ZFAND4: variants seen among roughly 807,000 people sequenced by gnomAD.
The protein encoded by ZFAND4 is zinc finger AN1-type containing 4.
ZFAND4 carries 43 observed loss-of-function variants against 64.4 expected under a neutral mutation model. The ratio of observed to expected loss-of-function variants is 0.67; its 90% CI spans 0.52 to 0.86. The LOEUF is 0.86. ZFAND4 is among the 40% of genes least tolerant of loss of function. ZFAND4 has a pLI of 0.00. For missense variants in ZFAND4, 929 were observed against 859.8 expected, an observed-to-expected ratio of 1.08 and a Z score of -1.01; for synonymous variants, 296 against 305.7, an observed-to-expected ratio of 0.97 and a Z score of 0.33.
intron 2 of ZFAND4, among the ~76,000 whole-genome samples, chr10:45,656,892 C>A (rs969640340): frequency 3.9e-5 from 6 of 152,088 alleles, no homozygotes; most frequent in Middle Eastern, 3.2e-3. Context: ...AGAAAGAGTG[C>A]CCTCACCAGA....
chr10:45,619,703 T>C (rs2045270956), intron 8 of ZFAND4, among the ~76,000 whole-genome samples: 1 of 152,168 alleles, frequency 6.6e-6, no homozygotes, highest in East Asian at 1.9e-4. Context: ...ATGTCTTTTT[T>C]TTTTTGTCAC....
At chr10:45,640,649 C>A (rs529557019) in intron 5 of ZFAND4, among the ~76,000 whole-genome samples, 5 of 152,140 alleles carry the variant, frequency 3.3e-5, no homozygotes, top group Admixed American at 1.3e-4. Context: ...TGCCACCATG[C>A]CCAGATAATT....
intron 3 of ZFAND4, among the ~76,000 whole-genome samples, chr10:45,652,480 G>A (rs1015301755): frequency 6.6e-6 from 1 of 152,194 alleles, no homozygotes; most frequent in African/African-American, 2.4e-5. Context: ...CTTAACAAAA[G>A]AGTGATGAAT....
chr10:45,639,801 T>C lies in ZFAND4; in HGVS notation c.717+15A>G, dbSNP rs745651676. 1 of 1,603,234 alleles carries C rather than the reference T, an allele frequency of 6.2e-7. No homozygotes were observed. Among genetic ancestry groups the C allele is most frequent in the Admixed American group, 1.7e-5 (1 of 58,156 alleles). On this transcript the variant is annotated intron_variant, in intron 6 of 9. Coordinates refer to ENST00000344646, the MANE Select transcript of ZFAND4 (RefSeq NM_174890.4). ...TAAGCTAGAGATAAGCCTGGTCAAA[T>C]GCCAACAGCTTCACCTTTTTGCTGA...
chr10:45,656,041 C>T (rs2133814459), intron 2 of ZFAND4, among the ~76,000 whole-genome samples: 1 of 151,650 alleles, frequency 6.6e-6, no homozygotes, highest in Middle Eastern at 3.4e-3. Context: ...ACCATCCTGG[C>T]TAACACAGTG....
Position 45,648,327 on chromosome 10 carries a change from T to C in ZFAND4, c.536A>G (p.His179Arg), listed in dbSNP as rs1225295129. Reference protein sequence around the residue: ...DSSKKIDFHLHVLRRKGEHRM... With the variant: ...DSSKKIDFHLRVLRRKGEHRM... ...ATGTTCTCCTTTTCTCCGTAGGACA[T>C]GCAAATGAAAATCTATTTTCTTTGA... The change falls in exon 5 of 10, where the codon CAT becomes CGT. Residue 179 changes from histidine to arginine, a missense_variant. His to Arg is a conservative substitution (Grantham distance 29). Transcript: ENST00000344646. The C allele has an allele frequency of 1.2e-6, 2 of 1,613,392 alleles. No individual in the cohort carries two copies. Among genetic ancestry groups the C allele is most frequent in the Non-Finnish European group, 1.7e-6 (2 of 1,179,802 alleles).
chr10:45,622,452 C>T (rs1020351094), intron 8 of ZFAND4, among the ~76,000 whole-genome samples: 2 of 152,150 alleles, frequency 1.3e-5, no homozygotes, highest in African/African-American at 4.8e-5. Flanking sequence ...TTGGATATGA[C>T]ACCAAAGGCA....
intron 7 of ZFAND4, among the ~76,000 whole-genome samples, chr10:45,625,473 C>CAAAA (rs1195950172): frequency 1.9e-5 from 1 of 53,038 alleles, no homozygotes; most frequent in Non-Finnish European, 3.7e-5. Context: ...GACTCCGTCT[C>CAAAA]AAAAAAAAAA....
At chr10:45,623,162 T>C (rs924381559) in intron 8 of ZFAND4, among the ~76,000 whole-genome samples, 1 of 152,212 alleles carries the variant, frequency 6.6e-6, no homozygotes, top group Non-Finnish European at 1.5e-5. Context: ...CCTTTTGCAC[T>C]GTCGATGGAA....
chr10:45,635,378 T>G (rs1255054099), intron 6 of ZFAND4, among the ~76,000 whole-genome samples: 1 of 151,982 alleles, frequency 6.6e-6, no homozygotes, highest in Non-Finnish European at 1.5e-5. Flanking sequence ...AGACCCACAG[T>G]GAACTTATTT....
In ZFAND4 at chr10:45,639,834, G is replaced by A. The variant is rs775811496; in HGVS notation, c.699C>T (p.Asn233=). The change falls in exon 6 of 10, where the codon AAC becomes AAT. Residue 233 remains asparagine, a synonymous_variant. Coordinates refer to ENST00000344646, the MANE Select transcript of ZFAND4 (RefSeq NM_174890.4). ...GCTTCACCTTTTTGCTGAGATTCAT[G>A]TTCTTCATCTTAGCCTTCAGCAGCT... ...KMKLLKAKMK[N]MNLSKKPKKA... The A allele has an allele frequency of 6.2e-6, 10 of 1,611,118 alleles. No homozygotes were observed. The South Asian group carries it at 1.1e-4, about 18-fold the overall frequency.
intron 5 of ZFAND4, 85 bp downstream of exon 5, chr10:45,648,209 C>T (rs2047520807): frequency 1.5e-6 from 2 of 1,317,720 alleles, no homozygotes; most frequent in African/African-American, 1.5e-5. Context: ...ATATTGGGGG[C>T]TGGGGCAGGA....
At chr10:45,640,722 C>T (rs866497260) in intron 5 of ZFAND4, among the ~76,000 whole-genome samples, 22 of 152,256 alleles carry the variant, frequency 1.4e-4, no homozygotes, top group Non-Finnish European at 2.5e-4. Flanking sequence ...AATCTCCTGA[C>T]CTCGTGATCC....
At chr10:45,639,624 TA>T (rs1589327291) in intron 6 of ZFAND4, 191 bp downstream of exon 6, 2 of 469,266 alleles carry the variant, frequency 4.3e-6, no homozygotes, top group East Asian at 7.2e-5. Context: ...AAGTGCAGTA[TA>T]ATCCCTTCAG....
intron 3 of ZFAND4, among the ~76,000 whole-genome samples, chr10:45,652,424 T>C (rs960187266): frequency 6.6e-6 from 1 of 152,222 alleles, no homozygotes; most frequent in Non-Finnish European, 1.5e-5. Context: ...TGACTCTCAG[T>C]GCTCTTACAG....
rs1307319497 is a variant in ZFAND4 at position 45,615,994 on chromosome 10, A to T, written c.*442T>A. Reference sequence around the variant, plus strand: ...TCTCCACCCATCCCACCTCTGAAAAAAAAAGAAGGAGAAGAATAAAAGAAA... The same window carrying T: ...TCTCCACCCATCCCACCTCTGAAAATAAAAGAAGGAGAAGAATAAAAGAAA... On this transcript the variant is annotated 3_prime_UTR_variant, in exon 10 of 10. Coordinates refer to ENST00000344646, the MANE Select transcript of ZFAND4 (RefSeq NM_174890.4). 6.5e-6 allele frequency: 1 copy of T among 152,796 alleles called. No individual in the cohort carries two copies. The highest frequency in any genetic ancestry group is 1.5e-5 in the Non-Finnish European group (1 of 68,184). 9.5% of individuals were successfully genotyped at this position (152,796 alleles called of 1,614,324 possible).
Position 45,663,714 on chromosome 10 carries a change from T to A in ZFAND4, c.12A>T (p.Arg4Ser). The change falls in exon 2 of 10, where the codon AGA becomes AGT. Residue 4 changes from arginine to serine, a missense_variant. Coordinates refer to ENST00000344646, the MANE Select transcript of ZFAND4 (RefSeq NM_174890.4). MDN[R>S]KEPPFFNDDN... The stretch of plus-strand genomic sequence containing the variant: ...CATCATTGAAGAATGGAGGCTCTTT[T>A]CTGTTATCCATTACTTTGACTTTTC... The A allele has an allele frequency of 6.3e-7, 1 of 1,599,048 alleles. No individual in the cohort carries two copies.
At chr10:45,657,147 G>A (rs1334788343) in intron 2 of ZFAND4, among the ~76,000 whole-genome samples, 1 of 151,982 alleles carries the variant, frequency 6.6e-6, no homozygotes, top group African/African-American at 2.4e-5. Flanking sequence ...CTGAGCAGCT[G>A]GGACTACAGG....
rs1254058693 is a variant in ZFAND4 at position 45,627,041 on chromosome 10, G to A, written c.782C>T (p.Thr261Ile). 6.2e-7 allele frequency: 1 copy of A among 1,600,082 alleles called. No individual in the cohort carries two copies. ...PVAPRPSSGS[T>I]APSRHRLLRV... The stretch of plus-strand genomic sequence containing the variant: ...TAACAATCGGTGGCGAGATGGTGCA[G>A]TGGAACCACTAGAAGGTCGAGGAGC... Residue 261 changes from threonine (T) to isoleucine (I), a missense_variant, in exon 7 of 10, where the codon ACT becomes ATT. Coordinates refer to ENST00000344646, the MANE Select transcript of ZFAND4 (RefSeq NM_174890.4).
Sources: allele counts gnomAD v4.1 joint callset (sites outside exome capture counted in the v4.1 genomes callset), GRCh38; gene constraint gnomAD v4.1.1; transcripts MANE v1.5; gene names NCBI Gene and HGNC (gene_info 2026-07-23, HGNC 2026-07-21).